The following NEURL4 variants were observed in gnomAD, a reference collection of about 807,000 sequenced individuals.
NEURL4 encodes neuralized E3 ubiquitin protein ligase 4, also known as neuralized-like protein 4.
A neutral mutation model predicts 148.0 loss-of-function variants in NEURL4; 45 were observed. The ratio of observed to expected loss-of-function variants is 0.30; its 90% CI spans 0.24 to 0.39. The LOEUF is 0.39. NEURL4 is among the 10% of genes least tolerant of loss of function. The pLI, the probability that NEURL4 is intolerant of heterozygous loss-of-function variation, is 1.00. For synonymous variants in NEURL4, 854 were observed against 869.0 expected (o/e 0.98, Z 0.30); for missense variants, 1,776 against 2,144.0 (o/e 0.83, Z 3.39).
chr17:7,327,907 A>T lies in NEURL4; in HGVS notation c.283-23T>A. The T allele has an allele frequency of 1.3e-6, 2 of 1,554,502 alleles. No homozygotes were observed. The highest frequency in any genetic ancestry group is 1.7e-6 in the Non-Finnish European group (2 of 1,147,944). Reference sequence around the variant, plus strand: ...GACCTGGGATAGGGGTATTGGACAGAGGCTTAGAATGGGCCACCCCCCATT... The same window carrying T: ...GACCTGGGATAGGGGTATTGGACAGTGGCTTAGAATGGGCCACCCCCCATT... On this transcript the variant is annotated intron_variant, in intron 1 of 28. Coordinates refer to ENST00000399464, the MANE Select transcript of NEURL4 (RefSeq NM_032442.3). The surrounding 1 kb of genome is among the most constrained non-coding windows in gnomAD (Gnocchi z 6.6).
chr17:7,317,627 G>A (rs930335923), intron 26 of NEURL4, 54 bp from the exon 27 acceptor site: 18 of 1,580,302 alleles, frequency 1.1e-5, no homozygotes, highest in African/African-American at 2.7e-5. Context: ...CTCCCCAGTG[G>A]AGGAGCTTCA....
chr17:7,324,030 A>G lies in NEURL4; in HGVS notation c.2063-18T>C. On this transcript the variant is annotated intron_variant, in intron 11 of 28. Transcript: ENST00000399464. The surrounding 1 kb of genome is among the most constrained non-coding windows in gnomAD (Gnocchi z 5.9). ...AGCCACCTCTGTAAAAGTGGACATC[A>G]CCCATCAGGTCTCTAGGTGTCTCTC... The G allele has an allele frequency of 1.9e-6, 3 of 1,608,592 alleles. No homozygotes were observed. The highest frequency in any genetic ancestry group is 1.1e-5 in the South Asian group (1 of 91,082).
rs1397361096 is a variant in NEURL4 at position 7,327,268 on chromosome 17, A to G, written c.728-38T>C. ...TGGGATGGGAGGGGAATAAGGGTTCAGTCCCTGCTTCACGGCCCATAGCCA... is the reference window on the plus strand; with the variant it reads ...TGGGATGGGAGGGGAATAAGGGTTCGGTCCCTGCTTCACGGCCCATAGCCA... On this transcript the variant is annotated intron_variant, in intron 2 of 28. Coordinates refer to ENST00000399464, the MANE Select transcript of NEURL4 (RefSeq NM_032442.3). The surrounding 1 kb of genome is among the most constrained non-coding windows in gnomAD (Gnocchi z 6.6). 1 of 1,561,854 alleles carries G rather than the reference A, an allele frequency of 6.4e-7. No individual in the cohort carries two copies. Among genetic ancestry groups the G allele is most frequent in the South Asian group, 1.2e-5 (1 of 85,260 alleles).
rs757596790 is a variant in NEURL4, at chr17:7,327,204, G to C, written c.754C>G (p.Arg252Gly). The change falls in exon 3 of 29, where the codon CGG becomes GGG. Residue 252 changes from arginine (R) to glycine (G), a missense_variant. By Grantham distance (125) the Arg-to-Gly change is moderately radical (BLOSUM62 -2). Transcript: ENST00000399464. The surrounding 1 kb of genome is among the most constrained non-coding windows in gnomAD (Gnocchi z 6.6). ...AGGCTGTTAGGAAACGTCTCCGGCC[G>C]GGCCTGCGCTGGGGACACCATGAAG... is the stretch of plus-strand genomic sequence containing the variant. Reference protein sequence around the residue: ...EAFMVSPAQARPETFPNSLES... With the variant: ...EAFMVSPAQAGPETFPNSLES... 1.2e-6 allele frequency: 2 copies of C among 1,611,928 alleles called. No individual in the cohort carries two copies. The highest frequency in any genetic ancestry group is 1.7e-6 in the Non-Finnish European group (2 of 1,179,772).
At position 7,323,012 on chromosome 17, in the gene NEURL4, G is replaced by A; in HGVS notation, c.2529C>T (p.Asp843=). The A allele has an allele frequency of 6.2e-7, 1 of 1,613,762 alleles. No individual in the cohort carries two copies. Among genetic ancestry groups the A allele is most frequent in the Non-Finnish European group, 8.5e-7 (1 of 1,180,002 alleles). Residue 843 remains aspartate (D), a synonymous_variant, in exon 15 of 29, where the codon GAC becomes GAT. Coordinates refer to ENST00000399464, the MANE Select transcript of NEURL4 (RefSeq NM_032442.3). ...CCTGGCCGTTGATGAAGTAGTGCAG[G>A]TCGCCCTTGGCAGTTCGCATCATGC... ...RIGMMRTAKG[D]LHYFINGQDQ...
intron 1 of NEURL4, among the ~76,000 whole-genome samples, chr17:7,328,316 G>T (rs1341234139): frequency 6.6e-6 from 1 of 152,132 alleles, no homozygotes; most frequent in African/African-American, 2.4e-5. Context: ...TGTGAGCCTG[G>T]CCTCTTCACT....
At position 7,318,600 on chromosome 17, in the gene NEURL4, A is replaced by T. The variant is rs1456442295; in HGVS notation, c.3759T>A (p.Ser1253=). ...CATTAACATGAAGATGCAGCCCCCC[A>T]GAGCTGTCCAGCCGCAGTCCCAGGA... The part of the protein sequence containing the change: ...GTILGLRLDS[S]GGLHLHVNGV... Residue 1253 remains serine (S), a synonymous_variant, in exon 23 of 29, where the codon TCT becomes TCA. Transcript: ENST00000399464. The surrounding 1 kb of genome is among the most constrained non-coding windows in gnomAD (Gnocchi z 4.3). 1.2e-6 allele frequency: 2 copies of T among 1,613,912 alleles called. No homozygotes were observed. The highest frequency in any genetic ancestry group is 1.3e-5 in the African/African-American group (1 of 74,914).
At position 7,328,000 on chromosome 17, in the gene NEURL4, C is replaced by T. The variant is rs2073125887; in HGVS notation, c.283-116G>A. 2.6e-6 allele frequency: 2 copies of T among 779,862 alleles called. No homozygotes were observed. Among genetic ancestry groups the T allele is most frequent in the African/African-American group, 1.7e-5 (1 of 57,174 alleles). The allele number at this position is 779,862 out of a possible 1,614,324, so 48.3% of individuals were successfully genotyped here. On this transcript the variant is annotated intron_variant, in intron 1 of 28. Coordinates refer to ENST00000399464, the MANE Select transcript of NEURL4 (RefSeq NM_032442.3). This position sits in a 1 kb window ranked among gnomAD's most constrained non-coding sequence, Gnocchi z 6.6. Reference sequence around the variant, plus strand: ...GCTTTCTGTCTCTTGGAACACTAATCCAGAGATGCAGACAGTGATTTTCTG... The same window carrying T: ...GCTTTCTGTCTCTTGGAACACTAATTCAGAGATGCAGACAGTGATTTTCTG...
chr17:7,326,455 T>C lies in NEURL4; in HGVS notation c.1186A>G (p.Met396Val). ...CTGGTACCTGACTGGAGGTTGGTCA[T>C]GGTGGCTGGGTACTCCAAACTGTTG... ...NPNSLEYPAT[M>V]TNLQSGTIMM... Residue 396 changes from methionine to valine, a missense_variant, in exon 5 of 29, where the codon ATG becomes GTG. Physicochemically the swap from Met to Val is conservative, Grantham distance 21. Transcript: ENST00000399464. The surrounding 1 kb of genome is among the most constrained non-coding windows in gnomAD (Gnocchi z 6.0). 1 of 1,614,138 alleles carries C rather than the reference T, an allele frequency of 6.2e-7. No homozygotes were observed. The highest frequency in any genetic ancestry group is 8.5e-7 in the Non-Finnish European group (1 of 1,180,000).
Position 7,327,336 on chromosome 17 carries a change from G to A in NEURL4, c.727+104C>T, listed in dbSNP as rs1346230609. On this transcript the variant is annotated intron_variant, in intron 2 of 28. Coordinates refer to ENST00000399464, the MANE Select transcript of NEURL4 (RefSeq NM_032442.3). This position sits in a 1 kb window ranked among gnomAD's most constrained non-coding sequence, Gnocchi z 6.6. ...CTAGCTCCTGCTCTCCCATTCAACA[G>A]ACTTGGGGATCAGGGTGGCCCTGCC... 7.6e-6 allele frequency: 11 copies of A among 1,446,606 alleles called. No homozygotes were observed. In the Admixed American group the frequency reaches 2.4e-4, roughly 32 times the overall value. 89.6% of individuals were successfully genotyped at this position (1,446,606 alleles called of 1,614,324 possible).
At chr17:7,317,739 C>G in intron 26 of NEURL4, 49 bp downstream of exon 26, 1 of 1,604,678 alleles carries the variant, frequency 6.2e-7, no homozygotes, top group Non-Finnish European at 8.5e-7. Context: ...ATCCCCGTTT[C>G]TCCAGGGGGA....
chr17:7,329,234 C>A lies in NEURL4; in HGVS notation c.79G>T (p.Gly27Trp). ...PGPGGGGGPS[G>W]SGSGPGSNGG... is the part of the protein sequence containing the mutation. ...TTGGACCCCGGTCCTGAGCCGCTCC[C>A]GCTGGGGCCCCCACCCCCGCCCGGC... The change falls in exon 1 of 29, where the codon GGG becomes TGG. Residue 27 changes from glycine to tryptophan, a missense_variant. Physicochemically the swap from Gly to Trp is radical, Grantham distance 184. Transcript: ENST00000399464. The A allele has an allele frequency of 6.6e-7, 1 of 1,511,530 alleles. No individual in the cohort carries two copies. The highest frequency in any genetic ancestry group is 2.6e-5 in the East Asian group (1 of 38,228). 93.6% of individuals were successfully genotyped at this position (1,511,530 alleles called of 1,614,324 possible). A position where few individuals can be genotyped will look rare whatever the true frequency, so the allele number is the denominator to read the frequency against.
At position 7,322,675 on chromosome 17, in the gene NEURL4, T is replaced by G. The variant is rs907067794; in HGVS notation, c.2725+60A>C. On this transcript the variant is annotated intron_variant, in intron 16 of 28. Transcript: ENST00000399464. This position sits in a 1 kb window ranked among gnomAD's most constrained non-coding sequence, Gnocchi z 5.5. ...CAGAACCTCTCTAACCTGGAAACCC[T>G]ACTCCTCAGGTGCACAGCAGGCAAG... 4 of 1,583,408 alleles carry G rather than the reference T, an allele frequency of 2.5e-6. No homozygotes were observed. The highest frequency in any genetic ancestry group is 2.6e-6 in the Non-Finnish European group (3 of 1,165,790).
At position 7,323,720 on chromosome 17, in the gene NEURL4, G is replaced by A; in HGVS notation, c.2265C>T (p.Ala755=). ...FNDAIVISNR[A]LRDGELFEIV... ...TTTCAAACAGCTCTCCATCCCGCAG[G>A]GCCCTGCCAGGAGACTGGCGATCAG... The change falls in exon 13 of 29, where the codon GCC becomes GCT. Residue 755 remains alanine (A), a synonymous_variant. Coordinates refer to ENST00000399464, the MANE Select transcript of NEURL4 (RefSeq NM_032442.3). The A allele has an allele frequency of 3.1e-6, 5 of 1,614,098 alleles. No homozygotes were observed. The Admixed American group carries it at 8.3e-5, about 27-fold the overall frequency.
At position 7,321,716 on chromosome 17, in the gene NEURL4, C is replaced by T. The variant is rs1402227380; in HGVS notation, c.2943G>A (p.Gly981=). 1 of 1,613,788 alleles carries T rather than the reference C, an allele frequency of 6.2e-7. No individual in the cohort carries two copies. The highest frequency in any genetic ancestry group is 1.7e-5 in the Admixed American group (1 of 60,034). ...CACCGCCTGCCCCGGGTCCCATCTC[C>T]CCCGGTGCTAGTGTGGTCAGCCCCA... ...LRLGLTTLAP[G]EMGPGAGGGG... Residue 981 remains glycine (G), a synonymous_variant, in exon 18 of 29, where the codon GGG becomes GGA. Transcript: ENST00000399464. This position sits in a 1 kb window ranked among gnomAD's most constrained non-coding sequence, Gnocchi z 6.3.
At chr17:7,319,416 C>T (rs540523352) in intron 21 of NEURL4, among the ~76,000 whole-genome samples, 6 of 140,760 alleles carry the variant, frequency 4.3e-5, no homozygotes, top group South Asian at 4.5e-4. Flanking sequence ...AAAAAAGAAC[C>T]GCCAGCCGGG....
chr17:7,326,428 G>C lies in NEURL4; in HGVS notation c.1204+9C>G. ...GGCCTGCACCCCCGCCCCTGCCCGG[G>C]GCTGGTACCTGACTGGAGGTTGGTC... is the stretch of plus-strand genomic sequence containing the variant. On this transcript the variant is annotated intron_variant, in intron 5 of 28. Coordinates refer to ENST00000399464, the MANE Select transcript of NEURL4 (RefSeq NM_032442.3). This position sits in a 1 kb window ranked among gnomAD's most constrained non-coding sequence, Gnocchi z 6.0. 1 of 1,614,044 alleles carries C rather than the reference G, an allele frequency of 6.2e-7. No individual in the cohort carries two copies. Among genetic ancestry groups the C allele is most frequent in the Non-Finnish European group, 8.5e-7 (1 of 1,179,908 alleles).
rs1219749504 is a variant in NEURL4 at position 7,317,478 on chromosome 17, C to T, written c.4301G>A (p.Arg1434Gln). 4 of 1,614,202 alleles carry T rather than the reference C, an allele frequency of 2.5e-6. No homozygotes were observed. Among genetic ancestry groups the T allele is most frequent in the Non-Finnish European group, 3.4e-6 (4 of 1,180,018 alleles). Residue 1434 changes from arginine (R) to glutamine (Q), a missense_variant, in exon 27 of 29, where the codon CGA (arginine) becomes CAA (glutamine). Physicochemically the swap from Arg to Gln is conservative, Grantham distance 43. Transcript: ENST00000399464. Reference protein sequence around the residue: ...NVAAVRRVLDRGELGAGTASI... With the variant: ...NVAAVRRVLDQGELGAGTASI... ...GCCAGTACCTGCTCCCAGCTCCCCT[C>T]GGTCCAGCACTCTCCGTACAGCGGC... is the stretch of plus-strand genomic sequence containing the variant.
intron 12 of NEURL4, 22 bp downstream of exon 12, chr17:7,323,792 A>C: frequency 6.2e-7 from 1 of 1,613,966 alleles, no homozygotes; most frequent in East Asian, 2.2e-5. Flanking sequence ...GAAGGTGGGG[A>C]CATGAAAGTT....
Sources: gnomAD v4.1 joint callset for allele counts (sites outside exome capture counted in the v4.1 genomes callset) on GRCh38, gnomAD v4.1.1 for gene constraint, Gnocchi (gnomAD v3.1) non-coding constraint, MANE v1.5 for transcripts, NCBI Gene and HGNC (gene_info 2026-07-23, HGNC 2026-07-21) for gene names.